The following SLC6A6 variants were observed in gnomAD, a reference collection of about 807,000 sequenced individuals.
The protein encoded by SLC6A6 is solute carrier family 6 member 6.
SLC6A6 carries 16 observed loss-of-function variants against 68.8 expected under a neutral mutation model. The observed-to-expected ratio is 0.23, with a 90% CI of 0.16 to 0.35. The LOEUF (loss-of-function observed/expected upper bound fraction) is 0.35. Among genes scored for constraint, SLC6A6 ranks in the 10% least tolerant of loss-of-function variants. SLC6A6 has a pLI of 1.00. For missense variants in SLC6A6, 474 were observed against 802.8 expected, an observed-to-expected ratio of 0.59 and a Z score of 4.95; for synonymous variants, 312 against 315.4, an observed-to-expected ratio of 0.99 and a Z score of 0.12.
chr3:14,429,178 C>G (rs1228497757), intron 2 of SLC6A6, among the ~76,000 whole-genome samples: 2 of 152,236 alleles, frequency 1.3e-5, no homozygotes, highest in Admixed American at 1.3e-4. Context: ...AACTCCCTTT[C>G]TCTTTAGCAA....
rs145877235 is a variant in SLC6A6 at position 14,484,657 on chromosome 3, G to A, written c.1723-210G>A. ...GAAGGAAACCACCAACAGGAATTCC[G>A]CCTTGAGTCAGGGCCTAGTGGCACC... On this transcript the variant is annotated intron_variant, in intron 14 of 14. Coordinates refer to ENST00000622186, the MANE Select transcript of SLC6A6 (RefSeq NM_003043.6). Among the ~76,000 whole-genome samples, 20 of 152,338 alleles carry A rather than the reference G, an allele frequency of 1.3e-4. No homozygotes were observed. The East Asian group carries it at 2.5e-3, about 19-fold the overall frequency.
intron 2 of SLC6A6, among the ~76,000 whole-genome samples, chr3:14,425,242 A>T (rs2124916385): frequency 6.6e-6 from 1 of 152,332 alleles, no homozygotes; most frequent in East Asian, 1.9e-4. Context: ...GACATTCCTG[A>T]GGTCACCACT....
rs1183112067 is a variant in SLC6A6 at position 14,444,485 on chromosome 3, G to A, written c.229+622G>A. ...TGTGTTTTTGCCTGCTGAAGGCTCC[G>A]AGCAGGAACCCTCTGACAGGTCTTC... is the stretch of plus-strand genomic sequence containing the variant. On this transcript the variant is annotated intron_variant, in intron 3 of 14. Coordinates refer to ENST00000622186, the MANE Select transcript of SLC6A6 (RefSeq NM_003043.6). 1.2e-5 allele frequency: 3 copies of A among 260,870 alleles called. No homozygotes were observed. In the East Asian group the frequency reaches 2.9e-4, roughly 25 times the overall value. The allele number at this position is 260,870 out of a possible 1,614,324, so 16.2% of individuals were successfully genotyped here. A position where few individuals can be genotyped will look rare whatever the true frequency, so the allele number is the denominator to read the frequency against.
At chr3:14,440,985 G>A (rs903373471) in intron 2 of SLC6A6, among the ~76,000 whole-genome samples, 3 of 152,220 alleles carry the variant, frequency 2.0e-5, no homozygotes, top group African/African-American at 7.2e-5. Context: ...GGTCCTGAGT[G>A]TGGAAGGGGG....
Position 14,468,689 on chromosome 3 carries a change from C to T in SLC6A6, c.1096+477C>T, listed in dbSNP as rs1043117979. Among the ~76,000 whole-genome samples the T allele has an allele frequency of 1.3e-5, 2 of 152,140 alleles. No individual in the cohort carries two copies. The highest frequency in any genetic ancestry group is 4.8e-5 in the African/African-American group (2 of 41,424). On this transcript the variant is annotated intron_variant, in intron 9 of 14. Coordinates refer to ENST00000622186, the MANE Select transcript of SLC6A6 (RefSeq NM_003043.6). The surrounding 1 kb of genome is among the most constrained non-coding windows in gnomAD (Gnocchi z 4.5). ...CCGATTTCTCGTGAATGAGTCCCAA[C>T]TCTGTGTCAGGCACCACCGTAGGCA...
intron 1 of SLC6A6, among the ~76,000 whole-genome samples, chr3:14,403,120 GT>G (rs1464719282): frequency 4.2e-5 from 5 of 119,692 alleles, no homozygotes; most frequent in East Asian, 2.5e-4. Context: ...GTGTGTGTGT[GT>G]GTGGCATATC....
In SLC6A6 at chr3:14,477,471, G is replaced by T; in HGVS notation, c.1347+129G>T. The T allele has an allele frequency of 1.1e-6, 1 of 941,566 alleles. No individual in the cohort carries two copies. The highest frequency in any genetic ancestry group is 2.1e-5 in the Admixed American group (1 of 47,286). The allele number at this position is 941,566 out of a possible 1,614,324, so 58.3% of individuals were successfully genotyped here. A position where few individuals can be genotyped will look rare whatever the true frequency, so the allele number is the denominator to read the frequency against. ...TCTCCCAGCCCCACCCAATTCAGGGGTCCTGCTTGGACCAACACTGGGGGT... is the reference window on the plus strand; with the variant it reads ...TCTCCCAGCCCCACCCAATTCAGGGTTCCTGCTTGGACCAACACTGGGGGT... On this transcript the variant is annotated intron_variant, in intron 11 of 14. Coordinates refer to ENST00000622186, the MANE Select transcript of SLC6A6 (RefSeq NM_003043.6). The surrounding 1 kb of genome is among the most constrained non-coding windows in gnomAD (Gnocchi z 4.2).
chr3:14,403,520 C>G lies in SLC6A6; in HGVS notation c.-54+673C>G, dbSNP rs565741179. Among the ~76,000 whole-genome samples, 16 of 152,248 alleles carry G rather than the reference C, an allele frequency of 1.1e-4. No individual in the cohort carries two copies. The East Asian group carries it at 2.7e-3, about 26-fold the overall frequency. ...TGCCTAGAGGGTCCAATGGCCAGAGCTGGTTCTCCAGGGCCGGCGCTGAGT... is the reference window on the plus strand; with the variant it reads ...TGCCTAGAGGGTCCAATGGCCAGAGGTGGTTCTCCAGGGCCGGCGCTGAGT... On this transcript the variant is annotated intron_variant, in intron 1 of 14. Coordinates refer to ENST00000622186, the MANE Select transcript of SLC6A6 (RefSeq NM_003043.6).
At position 14,472,160 on chromosome 3, in the gene SLC6A6, G is replaced by A. The variant is rs934652344; in HGVS notation, c.1097-45G>A. 8.3e-7 allele frequency: 1 copy of A among 1,209,862 alleles called. No individual in the cohort carries two copies. The highest frequency in any genetic ancestry group is 1.2e-6 in the Non-Finnish European group (1 of 814,862). The allele number at this position is 1,209,862 out of a possible 1,614,324, so 74.9% of individuals were successfully genotyped here. Reference sequence around the variant, plus strand: ...CAGGGTTCCCAGTGGCTTGGTGGCTGATGTCTCCTCCCCTGTGCCCCTCCC... The same window carrying A: ...CAGGGTTCCCAGTGGCTTGGTGGCTAATGTCTCCTCCCCTGTGCCCCTCCC... On this transcript the variant is annotated intron_variant, in intron 9 of 14. Coordinates refer to ENST00000622186, the MANE Select transcript of SLC6A6 (RefSeq NM_003043.6). The surrounding 1 kb of genome is among the most constrained non-coding windows in gnomAD (Gnocchi z 4.5).
intron 10 of SLC6A6, among the ~76,000 whole-genome samples, chr3:14,475,384 C>T (rs1255282098): frequency 6.6e-6 from 1 of 152,132 alleles, no homozygotes; most frequent in African/African-American, 2.4e-5. Flanking sequence ...TTGGAACCCA[C>T]TCCTCCTGCA....
At chr3:14,410,778 G>A (rs1259294908) in intron 1 of SLC6A6, among the ~76,000 whole-genome samples, 1 of 152,232 alleles carries the variant, frequency 6.6e-6, no homozygotes, top group Non-Finnish European at 1.5e-5. Flanking sequence ...TAAATGCCAA[G>A]TGACTCACTG....
chr3:14,406,466 G>A (rs1699110426), intron 1 of SLC6A6, among the ~76,000 whole-genome samples: 2 of 152,310 alleles, frequency 1.3e-5, no homozygotes, highest in Admixed American at 6.5e-5. Flanking sequence ...CCAGGAGACG[G>A]AGAGTCACCG....
rs567563103 is a variant in SLC6A6 at position 14,434,897 on chromosome 3, G to A, written c.-11-8727G>A. Among the ~76,000 whole-genome samples the A allele has an allele frequency of 2.0e-5, 3 of 152,282 alleles. No individual in the cohort carries two copies. In the South Asian group the frequency reaches 6.2e-4, roughly 32 times the overall value. On this transcript the variant is annotated intron_variant, in intron 2 of 14. Transcript: ENST00000622186. ...TGGGCCAGGTCCTGCCACTTCCAAGGAGATGATAAAACAGTTTGGACCCAG... is the reference window on the plus strand; with the variant it reads ...TGGGCCAGGTCCTGCCACTTCCAAGAAGATGATAAAACAGTTTGGACCCAG...
chr3:14,437,870 CAGGCT>C (rs527788841), intron 2 of SLC6A6, among the ~76,000 whole-genome samples: 2 of 151,730 alleles, frequency 1.3e-5, no homozygotes, highest in Non-Finnish European at 2.9e-5. Context: ...CTCTGTCGCC[CAGGCT>C]AGACTGCAGT....
Position 14,402,932 on chromosome 3 carries a change from C to T in SLC6A6, c.-54+85C>T. The T allele has an allele frequency of 2.6e-6, 1 of 386,144 alleles. No individual in the cohort carries two copies. Among genetic ancestry groups the T allele is most frequent in the Non-Finnish European group, 4.6e-6 (1 of 217,996 alleles). The allele number at this position is 386,144 out of a possible 1,614,324, so 23.9% of individuals were successfully genotyped here. On this transcript the variant is annotated intron_variant, in intron 1 of 14. Transcript: ENST00000622186. This position sits in a 1 kb window ranked among gnomAD's most constrained non-coding sequence, Gnocchi z 4.8. The stretch of plus-strand genomic sequence containing the variant: ...CCCCATCCCCGCGTCGCCGCAGTCC[C>T]GGCCTCCTCCCCTCCGCGTGCGCCC...
intron 14 of SLC6A6, among the ~76,000 whole-genome samples, chr3:14,484,523 C>T (rs3773162): frequency 0.24 from 35,999 of 151,992 alleles, 5,162 homozygotes; most frequent in East Asian, 0.4. Context: ...GCAGAGAAAT[C>T]AGAGGGAGAG....
At chr3:14,434,772 C>T (rs937160487) in intron 2 of SLC6A6, among the ~76,000 whole-genome samples, 3 of 152,264 alleles carry the variant, frequency 2.0e-5, no homozygotes, top group East Asian at 1.9e-4. Context: ...ATCCTGCCAC[C>T]GGGAGCCTGC....
chr3:14,405,709 G>A (rs1349281446), intron 1 of SLC6A6, among the ~76,000 whole-genome samples: 9 of 152,240 alleles, frequency 5.9e-5, no homozygotes, highest in Non-Finnish European at 8.8e-5. Flanking sequence ...AGGAGCTGTG[G>A]ATCTGGAAAT....
intron 5 of SLC6A6, among the ~76,000 whole-genome samples, chr3:14,456,744 C>T (rs1239466236): frequency 6.6e-6 from 1 of 152,128 alleles, no homozygotes; most frequent in East Asian, 1.9e-4. Flanking sequence ...AACTGAGGCA[C>T]AGAGTCACAC....
Sources: allele counts gnomAD v4.1 joint callset (sites outside exome capture counted in the v4.1 genomes callset), GRCh38; gene constraint gnomAD v4.1.1; non-coding constraint Gnocchi (gnomAD v3.1); transcripts MANE v1.5; gene names NCBI Gene and HGNC (gene_info 2026-07-23, HGNC 2026-07-21).